LMAN2L: variants seen among roughly 807,000 people sequenced by gnomAD.
LMAN2L encodes VIP36-like protein.
Under a neutral mutation model 44.3 loss-of-function variants are expected in LMAN2L, and 30 were observed. The ratio of observed to expected loss-of-function variants is 0.68; its 90% CI spans 0.51 to 0.92. The LOEUF (loss-of-function observed/expected upper bound fraction) is 0.92. LMAN2L is among the 40% of genes least tolerant of loss of function. The pLI, the probability that LMAN2L is intolerant of heterozygous loss-of-function variation, is 0.00. For synonymous variants in LMAN2L, 183 were observed against 171.1 expected (o/e 1.07, Z -0.54); for missense variants, 429 against 446.1 (o/e 0.96, Z 0.35).
At chr2:96,725,692 G>A (rs927271988) in intron 4 of LMAN2L, among the ~76,000 whole-genome samples, 1 of 151,288 alleles carries the variant, frequency 6.6e-6, no homozygotes, top group Non-Finnish European at 1.5e-5. Flanking sequence ...TCATCTGCCC[G>A]CCTCAGCCTC....
chr2:96,733,813 G>A (rs976775751), intron 3 of LMAN2L, among the ~76,000 whole-genome samples: 1 of 152,218 alleles, frequency 6.6e-6, no homozygotes, highest in Non-Finnish European at 1.5e-5. Context: ...TTGGAGGCAA[G>A]GGAAAGAGAG....
intron 4 of LMAN2L, among the ~76,000 whole-genome samples, chr2:96,731,517 G>C (rs1432629269): frequency 6.6e-6 from 1 of 151,926 alleles, no homozygotes; most frequent in Non-Finnish European, 1.5e-5. Flanking sequence ...GTGGTGGCGT[G>C]TGCCTATAAT....
At position 96,738,071 on chromosome 2, in the gene LMAN2L, C is replaced by T. The variant is rs773247877; in HGVS notation, c.188-4G>A. ...GAGGAACTGCCTGTGCCCACACCTACAGGAAGGAAGTAGATCAGTTCATAC... is the reference window on the plus strand; with the variant it reads ...GAGGAACTGCCTGTGCCCACACCTATAGGAAGGAAGTAGATCAGTTCATAC... On this transcript the variant is annotated splice_polypyrimidine_tract_variant and splice_region_variant and intron_variant, in intron 1 of 7. Transcript: ENST00000264963. 2 of 1,602,604 alleles carry T rather than the reference C, an allele frequency of 1.2e-6. No individual in the cohort carries two copies. Among genetic ancestry groups the T allele is most frequent in the East Asian group, 2.2e-5 (1 of 44,820 alleles).
intron 6 of LMAN2L, among the ~76,000 whole-genome samples, chr2:96,708,908 C>CTTTTTT (rs140328524): frequency 9.0e-5 from 8 of 89,244 alleles, no homozygotes; most frequent in African/African-American, 1.4e-4. Context: ...TGAAGTTAGA[C>CTTTTTT]TTTTTTTTTT....
chr2:96,719,434 A>G (rs534346318), intron 4 of LMAN2L, among the ~76,000 whole-genome samples: 1 of 152,130 alleles, frequency 6.6e-6, no homozygotes, highest in Non-Finnish European at 1.5e-5. Flanking sequence ...CCACTTTGGG[A>G]TCAGTGTCTT....
At chr2:96,735,682 A>G (rs951958323) in intron 2 of LMAN2L, among the ~76,000 whole-genome samples, 3 of 152,134 alleles carry the variant, frequency 2.0e-5, no homozygotes, top group Non-Finnish European at 2.9e-5. Flanking sequence ...ACTAAAAAAT[A>G]CAAAAAATTA....
At position 96,706,582 on chromosome 2, in the gene LMAN2L, G is replaced by T. The variant is rs2077786272; in HGVS notation, c.*674C>A. 6.6e-6 allele frequency: 1 copy of T among 152,308 alleles called. No individual in the cohort carries two copies. The highest frequency in any genetic ancestry group is 1.5e-5 in the Non-Finnish European group (1 of 68,128). The allele number at this position is 152,308 out of a possible 1,614,324, so 9.4% of individuals were successfully genotyped here. On this transcript the variant is annotated 3_prime_UTR_variant, in exon 8 of 8. Coordinates refer to ENST00000264963, the MANE Select transcript of LMAN2L (RefSeq NM_030805.4). ...CAATAGACCCAAGACCCATGCTAGG[G>T]AACAGTGATCCAAAGCAGAAAGCCA...
intron 4 of LMAN2L, among the ~76,000 whole-genome samples, chr2:96,719,641 G>C (rs1256679277): frequency 1.3e-5 from 2 of 151,896 alleles, no homozygotes; most frequent in South Asian, 4.2e-4. Flanking sequence ...TGTTGCCCAT[G>C]CTGGAGTGCA....
At chr2:96,715,538 A>G (rs1286506806) in intron 4 of LMAN2L, among the ~76,000 whole-genome samples, 1 of 152,238 alleles carries the variant, frequency 6.6e-6, no homozygotes, top group Non-Finnish European at 1.5e-5. Context: ...AAGATTGAAG[A>G]ATCACACTGG....
At chr2:96,712,626 C>T (rs2077951743) in intron 4 of LMAN2L, among the ~76,000 whole-genome samples, 1 of 152,184 alleles carries the variant, frequency 6.6e-6, no homozygotes, top group South Asian at 2.1e-4. Context: ...GCTGGATGGG[C>T]TCAGCCAGCC....
intron 4 of LMAN2L, among the ~76,000 whole-genome samples, chr2:96,733,129 G>A (rs1173838769): frequency 3.3e-5 from 5 of 152,194 alleles, no homozygotes; most frequent in African/African-American, 4.8e-5. Flanking sequence ...TGAAAAGTGT[G>A]TGCAAGTTGC....
chr2:96,733,179 G>T (rs1202250828), intron 4 of LMAN2L, among the ~76,000 whole-genome samples: 1 of 152,166 alleles, frequency 6.6e-6, no homozygotes, highest in Non-Finnish European at 1.5e-5. Context: ...AGTCAGGGGA[G>T]GCTGAGTTAC....
At chr2:96,722,375 C>T (rs1279541697) in intron 4 of LMAN2L, among the ~76,000 whole-genome samples, 2 of 151,734 alleles carry the variant, frequency 1.3e-5, no homozygotes, top group African/African-American at 4.8e-5. Flanking sequence ...TTTCCTGCAA[C>T]TAGATAGTCC....
intron 4 of LMAN2L, among the ~76,000 whole-genome samples, chr2:96,726,539 T>C (rs1037876425): frequency 1.3e-5 from 2 of 152,114 alleles, no homozygotes; most frequent in African/African-American, 4.8e-5. Context: ...TCCCAGCACT[T>C]TGGGCGGCCG....
At chr2:96,734,585 C>T (rs1340974443) in intron 2 of LMAN2L, 59 bp from the exon 3 acceptor site, 6 of 1,076,800 alleles carry the variant, frequency 5.6e-6, no homozygotes, top group Non-Finnish European at 8.7e-6. Context: ...CCCCTCAAGC[C>T]CACATCAGCA....
At chr2:96,739,727 C>T (rs2153338672) in intron 1 of LMAN2L, 127 bp downstream of exon 1, 1 of 938,806 alleles carries the variant, frequency 1.1e-6, no homozygotes, top group Non-Finnish European at 1.6e-6. Context: ...AGGGAGTCTC[C>T]GTGGGCCCCA....
intron 6 of LMAN2L, among the ~76,000 whole-genome samples, chr2:96,710,460 G>A (rs1402624725): frequency 6.6e-6 from 1 of 152,186 alleles, no homozygotes; most frequent in Admixed American, 6.5e-5. Context: ...ACAAGGTCGA[G>A]ATGGAGACCA....
chr2:96,715,686 TAA>T (rs2078025990), intron 4 of LMAN2L, among the ~76,000 whole-genome samples: 1 of 152,234 alleles, frequency 6.6e-6, no homozygotes, highest in Non-Finnish European at 1.5e-5. Flanking sequence ...AGACTACTTT[TAA>T]AAAAGTGTTT....
Position 96,707,195 on chromosome 2 carries a change from A to G in LMAN2L, c.*61T>C. The G allele has an allele frequency of 1.3e-6, 2 of 1,534,206 alleles. No individual in the cohort carries two copies. Among genetic ancestry groups the G allele is most frequent in the Non-Finnish European group, 1.8e-6 (2 of 1,117,334 alleles). On this transcript the variant is annotated 3_prime_UTR_variant, in exon 8 of 8. Coordinates refer to ENST00000264963, the MANE Select transcript of LMAN2L (RefSeq NM_030805.4). ...ACTCTCCAGGCTGCATGCTCAGGCC[A>G]GTGCCTGCTCCTTCCATACCTCATG...
Sources: gnomAD v4.1 joint callset for allele counts (sites outside exome capture counted in the v4.1 genomes callset) on GRCh38, gnomAD v4.1.1 for gene constraint, MANE v1.5 for transcripts, NCBI Gene and HGNC (gene_info 2026-07-23, HGNC 2026-07-21) for gene names.